The following MALSU1 variants were observed in gnomAD, a reference collection of about 807,000 sequenced individuals.
MALSU1 encodes the protein mitochondrial assembly of ribosomal large subunit 1, also known as mitochondrial assembly of ribosomal large subunit protein 1.
In MALSU1, 22 loss-of-function variants were observed where a neutral mutation model predicts 22.1. The ratio of observed to expected loss-of-function variants is 1.00; its 90% CI spans 0.71 to 1.42. The LOEUF is 1.42. Among genes scored for constraint, MALSU1 ranks in the 40% most tolerant of loss-of-function variants. The pLI is 0.00. For missense variants in MALSU1, 379 were observed against 308.3 expected (o/e 1.23, Z -1.72); for synonymous variants, 153 against 118.5 (o/e 1.29, Z -1.89).
intron 2 of MALSU1, among the ~76,000 whole-genome samples, chr7:23,306,160 G>A (rs1783719576): frequency 6.6e-6 from 1 of 151,872 alleles, no homozygotes; most frequent in South Asian, 2.1e-4. Flanking sequence ...CGCCATTATA[G>A]TCCAGCCTGG....
chr7:23,309,646 C>A lies in MALSU1; in HGVS notation c.*103C>A. 1 of 939,486 alleles carries A rather than the reference C, an allele frequency of 1.1e-6. No individual in the cohort carries two copies. Among genetic ancestry groups the A allele is most frequent in the Non-Finnish European group, 1.5e-6 (1 of 648,852 alleles). 58.2% of individuals were successfully genotyped at this position (939,486 alleles called of 1,614,324 possible). A position where few individuals can be genotyped will look rare whatever the true frequency, so the allele number is the denominator to read the frequency against. ...CTCCTTGGTTAGGCTGCTCTTAGGACAAGGCTTGTGTACCTCATGGGCACT... is the reference window on the plus strand; with the variant it reads ...CTCCTTGGTTAGGCTGCTCTTAGGAAAAGGCTTGTGTACCTCATGGGCACT... On this transcript the variant is annotated 3_prime_UTR_variant, in exon 4 of 4. Coordinates refer to ENST00000466681, the MANE Select transcript of MALSU1 (RefSeq NM_138446.2).
At position 23,299,500 on chromosome 7, in the gene MALSU1, C is replaced by T. The variant is rs759915520; in HGVS notation, c.148C>T (p.Arg50Trp). 31 of 1,611,994 alleles carry T rather than the reference C, an allele frequency of 1.9e-5. No homozygotes were observed. The highest frequency in any genetic ancestry group is 2.3e-5 in the Non-Finnish European group (27 of 1,179,880). ...GCTTCCCGTAGGAGCAGCGTTCTGC[C>T]GGGCTTGCCAGACCCCAAACTTTGT... is the stretch of plus-strand genomic sequence containing the variant. ...QRLPVGAAFC[R>W]ACQTPNFVRG... Residue 50 changes from arginine to tryptophan, a missense_variant, in exon 1 of 4, where the codon CGG (arginine) becomes TGG (tryptophan). Arg to Trp is a moderately radical substitution (Grantham distance 101, BLOSUM62 -3). Transcript: ENST00000466681.
Position 23,299,413 on chromosome 7 carries a change from T to C in MALSU1, c.61T>C (p.Ser21Pro), listed in dbSNP as rs1320780931. The C allele has an allele frequency of 1.2e-6, 2 of 1,601,384 alleles. No homozygotes were observed. The highest frequency in any genetic ancestry group is 1.1e-5 in the South Asian group (1 of 90,616). Residue 21 changes from serine (S) to proline (P), a missense_variant, in exon 1 of 4, where the codon TCC (serine) becomes CCC (proline). Physicochemically the swap from Ser to Pro is moderately conservative, Grantham distance 74. Coordinates refer to ENST00000466681, the MANE Select transcript of MALSU1 (RefSeq NM_138446.2). ...LAPLMWRRAVSSVAGSAVGAE... is the reference protein window; with the variant it reads ...LAPLMWRRAVPSVAGSAVGAE... ...CCCACTAATGTGGCGCAGGGCGGTT[T>C]CCTCGGTGGCGGGGTCCGCGGTTGG...
Position 23,299,436 on chromosome 7 carries a change from T to C in MALSU1, c.84T>C (p.Val28=). 1 of 1,604,782 alleles carries C rather than the reference T, an allele frequency of 6.2e-7. No individual in the cohort carries two copies. The highest frequency in any genetic ancestry group is 8.5e-7 in the Non-Finnish European group (1 of 1,178,700). ...TTTCCTCGGTGGCGGGGTCCGCGGT[T>C]GGAGCCGAGCCCGGGCTTCGGCTGC... is the stretch of plus-strand genomic sequence containing the variant. ...RAVSSVAGSA[V]GAEPGLRLLA... is the part of the protein sequence containing the mutation. Residue 28 remains valine, a synonymous_variant, in exon 1 of 4, where the codon GTT becomes GTC. Transcript: ENST00000466681.
intron 2 of MALSU1, among the ~76,000 whole-genome samples, chr7:23,304,047 A>G (rs1408129455): frequency 2.0e-5 from 3 of 151,862 alleles, no homozygotes; most frequent in East Asian, 1.9e-4. Flanking sequence ...TGGAGGTTGC[A>G]GTGAGCCGAG....
Position 23,299,569 on chromosome 7 carries a change from G to A in MALSU1, c.217G>A (p.Gly73Arg). The A allele has an allele frequency of 6.2e-7, 1 of 1,606,366 alleles. No individual in the cohort carries two copies. Among genetic ancestry groups the A allele is most frequent in the Non-Finnish European group, 8.5e-7 (1 of 1,176,834 alleles). Residue 73 changes from glycine to arginine, a missense_variant, in exon 1 of 4, where the codon GGG becomes AGG. Transcript: ENST00000466681. ...GCCTGGGCTGGAGGAGCGGGCGGAG[G>A]GGACGGTCAACGAGGGACGCCCAGA... ...SEPGLEERAEGTVNEGRPESD... is the reference protein window; with the variant it reads ...SEPGLEERAERTVNEGRPESD...
rs77333628 is a variant in MALSU1 at position 23,300,405 on chromosome 7, G to A, written c.257-434G>A. ...AGGTTGTGGACCAGATACTGCCTAA[G>A]AGCCCTTCCAGCTCACAATTCTGTG... On this transcript the variant is annotated intron_variant, in intron 1 of 3. Transcript: ENST00000466681. Among the ~76,000 whole-genome samples, 195 of 152,228 alleles carry A rather than the reference G, an allele frequency of 1.3e-3. 9 individuals are homozygous for A. The East Asian group carries it at 0.036, about 28-fold the overall frequency.
At chr7:23,309,332 G>C (rs371794703) in intron 3 of MALSU1, 24 bp from the exon 4 acceptor site, 1 of 1,582,956 alleles carries the variant, frequency 6.3e-7, no homozygotes, top group Non-Finnish European at 8.6e-7. Context: ...TTCCTTCATT[G>C]TATCTCTTAT....
chr7:23,306,277 T>A (rs1240569815), intron 2 of MALSU1, among the ~76,000 whole-genome samples: 1 of 152,244 alleles, frequency 6.6e-6, no homozygotes, highest in Admixed American at 6.5e-5. Flanking sequence ...GGTTGCTCAT[T>A]GTTAGTGTAT....
At chr7:23,304,956 C>G (rs536032706) in intron 2 of MALSU1, among the ~76,000 whole-genome samples, 1 of 152,062 alleles carries the variant, frequency 6.6e-6, no homozygotes, top group African/African-American at 2.4e-5. Context: ...TTTATTTTTT[C>G]TTCTGTTGCC....
chr7:23,308,636 C>T (rs752327395), intron 3 of MALSU1, among the ~76,000 whole-genome samples: 43 of 152,174 alleles, frequency 2.8e-4, no homozygotes, highest in Non-Finnish European at 1.3e-4. Flanking sequence ...GTTTCCTGAG[C>T]TCTGGATTCC....
chr7:23,299,533 C>CT lies in MALSU1; in HGVS notation c.182dup (p.His62AlafsTer32). 1 of 1,612,678 alleles carries CT rather than the reference C, an allele frequency of 6.2e-7. No homozygotes were observed. The highest frequency in any genetic ancestry group is 8.5e-7 in the Non-Finnish European group (1 of 1,179,724). On this transcript the variant is annotated frameshift_variant, in exon 1 of 4. Coordinates refer to ENST00000466681, the MANE Select transcript of MALSU1 (RefSeq NM_138446.2). LOFTEE classifies it high-confidence loss of function. Reference sequence around the variant, plus strand: ...CCAGACCCCAAACTTTGTCCGCGGCCTGCACAGCGAGCCTGGGCTGGAGGA... The same window carrying CT: ...CCAGACCCCAAACTTTGTCCGCGGCCTTGCACAGCGAGCCTGGGCTGGAGGA...
intron 2 of MALSU1, among the ~76,000 whole-genome samples, chr7:23,306,968 G>T (rs1667081253): frequency 6.6e-6 from 1 of 152,118 alleles, no homozygotes; most frequent in African/African-American, 2.4e-5. Context: ...TAAATATTTG[G>T]TAAAACTCAT....
rs773305799 is a variant in MALSU1, at chr7:23,300,933, A to G, written c.351A>G (p.Glu117=). 6.2e-7 allele frequency: 1 copy of G among 1,614,058 alleles called. No individual in the cohort carries two copies. Among genetic ancestry groups the G allele is most frequent in the African/African-American group, 1.3e-5 (1 of 75,022 alleles). Residue 117 remains glutamate, a synonymous_variant, in exon 2 of 4, where the codon GAA becomes GAG. Transcript: ENST00000466681. ...RDICVIQVPP[E]MRYTDYFVIV... ...TTTGTGTGATCCAGGTTCCTCCAGAAATGAGATATACAGATTACTTTGTGA... is the reference window on the plus strand; with the variant it reads ...TTTGTGTGATCCAGGTTCCTCCAGAGATGAGATATACAGATTACTTTGTGA...
At chr7:23,301,318 T>C in intron 2 of MALSU1, 1 of 207,008 alleles carries the variant, frequency 4.8e-6, no homozygotes, top group South Asian at 1.1e-4. Context: ...TGGAGTGCAA[T>C]GGCGCGATCT....
At chr7:23,301,932 G>A (rs1783654215) in intron 2 of MALSU1, among the ~76,000 whole-genome samples, 1 of 150,560 alleles carries the variant, frequency 6.6e-6, no homozygotes. Context: ...TTGTGCCACT[G>A]CACTCCAGCC....
At chr7:23,305,615 G>A (rs963301171) in intron 2 of MALSU1, among the ~76,000 whole-genome samples, 8 of 152,212 alleles carry the variant, frequency 5.3e-5, no homozygotes, top group East Asian at 3.9e-4. Flanking sequence ...AACCTCAGGT[G>A]ATGCACCCGC....
rs1232660812 is a variant in MALSU1, at chr7:23,310,418, G to GAAAT, written c.*877_*880dup. 6.6e-6 allele frequency: 1 copy of GAAAT among 152,204 alleles called. No individual in the cohort carries two copies. Among genetic ancestry groups the GAAAT allele is most frequent in the Non-Finnish European group, 1.5e-5 (1 of 68,042 alleles). 9.4% of individuals were successfully genotyped at this position (152,204 alleles called of 1,614,324 possible). A position where few individuals can be genotyped will look rare whatever the true frequency, so the allele number is the denominator to read the frequency against. On this transcript the variant is annotated 3_prime_UTR_variant, in exon 4 of 4. Coordinates refer to ENST00000466681, the MANE Select transcript of MALSU1 (RefSeq NM_138446.2). ...TTTGCCATACTAAAAGGCTAGAAGT[G>GAAAT]AAATATGACAGAATTTAAACCAGCA...
chr7:23,300,414 C>T (rs939405587), intron 1 of MALSU1, among the ~76,000 whole-genome samples: 1 of 152,148 alleles, frequency 6.6e-6, no homozygotes, highest in African/African-American at 2.4e-5. Flanking sequence ...AGAGCCCTTC[C>T]AGCTCACAAT....
Sources: allele counts gnomAD v4.1 joint callset (sites outside exome capture counted in the v4.1 genomes callset), GRCh38; gene constraint gnomAD v4.1.1; transcripts MANE v1.5; gene names NCBI Gene and HGNC (gene_info 2026-07-23, HGNC 2026-07-21).